MAST3: variants seen among roughly 807,000 people sequenced by gnomAD.
MAST3 encodes microtubule associated serine/threonine kinase 3.
MAST3 carries 43 observed loss-of-function variants against 127.0 expected under a neutral mutation model. That is an observed-to-expected ratio of 0.34 (90% confidence interval 0.27 to 0.44). The LOEUF is 0.44. Ranked by LOEUF, MAST3 falls within the 20% of genes least tolerant of loss-of-function variation. The pLI is 1.00. For missense variants in MAST3, 1,390 were observed against 1,919.1 expected, an observed-to-expected ratio of 0.72 and a Z score of 5.15; for synonymous variants, 785 against 809.2, an observed-to-expected ratio of 0.97 and a Z score of 0.51.
At position 18,144,043 on chromosome 19, in the gene MAST3, G is replaced by T; in HGVS notation, c.2584+36G>T. On this transcript the variant is annotated intron_variant, in intron 22 of 27. Coordinates refer to ENST00000687212, the MANE Select transcript of MAST3 (RefSeq NM_001393504.1). The surrounding 1 kb of genome is among the most constrained non-coding windows in gnomAD (Gnocchi z 4.0). ...CCCTGAGTAAGAGGGATGATGTCAT[G>T]GAAGTTTCCCAGAGGAGGGGCTATT... The T allele has an allele frequency of 6.5e-7, 1 of 1,546,260 alleles. No individual in the cohort carries two copies.
intron 19 of MAST3, among the ~76,000 whole-genome samples, chr19:18,138,106 A>G (rs1407812081): frequency 6.6e-6 from 1 of 151,278 alleles, no homozygotes; most frequent in African/African-American, 2.4e-5. Context: ...GCTATTTGGG[A>G]GGCTGAGGCA....
rs896811144 is a variant in MAST3 at position 18,110,576 on chromosome 19, G to A, written c.72-76G>A. On this transcript the variant is annotated intron_variant, in intron 2 of 27. Coordinates refer to ENST00000687212, the MANE Select transcript of MAST3 (RefSeq NM_001393504.1). The surrounding 1 kb of genome is among the most constrained non-coding windows in gnomAD (Gnocchi z 4.3). ...CCTACTCCCTGAGGGAACCGCAGCC[G>A]CCATCCGGAGATCCGGATTCGGCCA... 4 of 867,074 alleles carry A rather than the reference G, an allele frequency of 4.6e-6. No individual in the cohort carries two copies. The highest frequency in any genetic ancestry group is 3.7e-5 in the African/African-American group (2 of 54,746). The allele number at this position is 867,074 out of a possible 1,614,324, so 53.7% of individuals were successfully genotyped here.
chr19:18,124,375 C>T lies in MAST3; in HGVS notation c.945+9C>T, dbSNP rs1318900697. 1 of 1,589,070 alleles carries T rather than the reference C, an allele frequency of 6.3e-7. No individual in the cohort carries two copies. The highest frequency in any genetic ancestry group is 8.6e-7 in the Non-Finnish European group (1 of 1,167,466). On this transcript the variant is annotated intron_variant, in intron 10 of 27. Transcript: ENST00000687212. ...GGCTGCTGGAGTGTCTGGTAAGTTT[C>T]TCTTTCTACGGCCAGCTTGGGGTCC...
intron 2 of MAST3, among the ~76,000 whole-genome samples, chr19:18,108,203 G>C (rs2038214921): frequency 1.3e-5 from 2 of 152,114 alleles, no homozygotes; most frequent in African/African-American, 4.8e-5. Context: ...TGAGGCAGGA[G>C]ATTCGCTTGA....
intron 13 of MAST3, 32 bp from the exon 14 acceptor site, chr19:18,130,462 C>T (rs768614260): frequency 4.4e-5 from 68 of 1,556,432 alleles, no homozygotes; most frequent in Non-Finnish European, 5.1e-5. Flanking sequence ...CCTCGATCTC[C>T]GGTCCCAGCA....
chr19:18,147,704 CAG>C, intron 27 of MAST3, 80 bp downstream of exon 27: 1 of 972,112 alleles, frequency 1.0e-6, no homozygotes. Context: ...GGAAGGAGTT[CAG>C]GGGATGGAAT....
In MAST3 at chr19:18,124,539, C is replaced by G. The variant is rs1420322028; in HGVS notation, c.946-103C>G. 1.4e-5 allele frequency: 20 copies of G among 1,456,196 alleles called. No homozygotes were observed. The Admixed American group carries it at 3.3e-4, about 24-fold the overall frequency. The allele number at this position is 1,456,196 out of a possible 1,614,324, so 90.2% of individuals were successfully genotyped here. ...TAAGGAGGCAGCGGGAGTGGAGACC[C>G]AGTGGGTGAGCTGGGAAGGGTGCTC... On this transcript the variant is annotated intron_variant, in intron 10 of 27. Coordinates refer to ENST00000687212, the MANE Select transcript of MAST3 (RefSeq NM_001393504.1).
chr19:18,111,662 G>A (rs2038660612), intron 3 of MAST3, among the ~76,000 whole-genome samples: 1 of 150,308 alleles, frequency 6.7e-6, no homozygotes, highest in Non-Finnish European at 1.5e-5. Context: ...AGCCTCCCAA[G>A]TAGCAGGGAC....
At chr19:18,131,852 G>A (rs2041330009) in intron 14 of MAST3, 57 bp from the exon 15 acceptor site, 1 of 1,486,190 alleles carries the variant, frequency 6.7e-7, no homozygotes, top group Non-Finnish European at 9.1e-7. Flanking sequence ...TAACCTAAGG[G>A]GCGGGCGGGG....
rs60206673 is a variant in MAST3 at position 18,141,377 on chromosome 19, C to CTTTCTTT, written c.2206-502_2206-501insCTTTTTT. Among the ~76,000 whole-genome samples, 45 of 122,750 alleles carry CTTTCTTT rather than the reference C, an allele frequency of 3.7e-4. 1 individual carries two copies. The East Asian group carries it at 0.011, about 29-fold the overall frequency. The allele number at this position is 122,750 out of a possible 152,430, so 80.5% of individuals were successfully genotyped here. On this transcript the variant is annotated intron_variant, in intron 20 of 27. Coordinates refer to ENST00000687212, the MANE Select transcript of MAST3 (RefSeq NM_001393504.1). Reference sequence around the variant, plus strand: ...GGAATCACTGGACTAAGCCAGCTTTCTTTTTTTTTTTTTGAAACAGAGTCT... The same window carrying CTTTCTTT: ...GGAATCACTGGACTAAGCCAGCTTTCTTTCTTTTTTTTTTTTTTTTGAAACAGAGTCT...
Position 18,142,026 on chromosome 19 carries a change from TG to T in MAST3, c.2339+15del. The T allele has an allele frequency of 6.9e-7, 1 of 1,454,286 alleles. No individual in the cohort carries two copies. Among genetic ancestry groups the T allele is most frequent in the Non-Finnish European group, 9.2e-7 (1 of 1,088,100 alleles). The allele number at this position is 1,454,286 out of a possible 1,614,324, so 90.1% of individuals were successfully genotyped here. A position where few individuals can be genotyped will look rare whatever the true frequency, so the allele number is the denominator to read the frequency against. On this transcript the variant is annotated intron_variant, in intron 21 of 27. Transcript: ENST00000687212. ...GAGTGCTGACATCCGGTAAGTGGCC[TG>T]GGGAAGTGTAGGCAGATCCAGCTTC...
chr19:18,130,169 T>A (rs1319299222), intron 13 of MAST3, among the ~76,000 whole-genome samples: 1 of 151,962 alleles, frequency 6.6e-6, no homozygotes, highest in Non-Finnish European at 1.5e-5. Flanking sequence ...TGAGCCGTGA[T>A]CTCATGACTG....
Position 18,143,975 on chromosome 19 carries a change from C to G in MAST3, c.2552C>G (p.Thr851Ser). The G allele has an allele frequency of 2.5e-6, 4 of 1,587,962 alleles. No homozygotes were observed. The highest frequency in any genetic ancestry group is 1.3e-5 in the African/African-American group (1 of 74,524). Reference protein sequence around the residue: ...LGEPDPPPAATPVMPKPSSLS... With the variant: ...LGEPDPPPAASPVMPKPSSLS... ...GAGCCTGACCCCCCACCAGCGGCCA[C>G]CCCAGTGATGCCCAAGCCCTCGAGC... is the stretch of plus-strand genomic sequence containing the variant. Residue 851 changes from threonine to serine, a missense_variant, in exon 22 of 28, where the codon ACC becomes AGC. By Grantham distance (58) the Thr-to-Ser change is moderately conservative. Coordinates refer to ENST00000687212, the MANE Select transcript of MAST3 (RefSeq NM_001393504.1).
intron 19 of MAST3, 51 bp from the exon 20 acceptor site, chr19:18,138,964 G>A: frequency 7.9e-7 from 1 of 1,268,256 alleles, no homozygotes; most frequent in Non-Finnish European, 1.1e-6. Context: ...CACCGCCCTT[G>A]AGATCATCTC....
rs2043376230 is a variant in MAST3, at chr19:18,149,533, C to A, written c.3851C>A (p.Ala1284Asp). The A allele has an allele frequency of 3.2e-6, 5 of 1,558,168 alleles. No homozygotes were observed. Among genetic ancestry groups the A allele is most frequent in the Non-Finnish European group, 3.5e-6 (4 of 1,151,904 alleles). ...GGGCGGCGCACTCGTGGGCCAGAGG[C>A]CGAGCTCGTGGTCATGCGGCGGCTG... ...EAGRRTRGPE[A>D]ELVVMRRLHL... The change falls in exon 28 of 28, where the codon GCC becomes GAC. Residue 1284 changes from alanine to aspartate, a missense_variant. Ala to Asp is a moderately radical substitution (Grantham distance 126). Around this residue, in one of 5 missense-constraint regions of MAST3, gnomAD observed 816 missense variants for 934.1 expected, o/e 0.87. Coordinates refer to ENST00000687212, the MANE Select transcript of MAST3 (RefSeq NM_001393504.1). The surrounding 1 kb of genome is among the most constrained non-coding windows in gnomAD (Gnocchi z 5.9).
chr19:18,142,453 G>A (rs982965280), intron 21 of MAST3, among the ~76,000 whole-genome samples: 10 of 147,214 alleles, frequency 6.8e-5, no homozygotes, highest in East Asian at 4.2e-4. Context: ...CCGGGTTCAC[G>A]CCATTCTCCT....
intron 1 of MAST3, chr19:18,098,902 G>A: frequency 4.9e-6 from 2 of 410,888 alleles, no homozygotes; most frequent in Non-Finnish European, 9.9e-6. Flanking sequence ...GGAGTGATCA[G>A]TTGTGATAAG....
intron 3 of MAST3, among the ~76,000 whole-genome samples, chr19:18,120,748 C>T (rs1024476206): frequency 3.3e-5 from 5 of 151,510 alleles, no homozygotes; most frequent in South Asian, 2.1e-4. Flanking sequence ...TTTTTTGAGA[C>T]GGAGTTTCAC....
intron 20 of MAST3, among the ~76,000 whole-genome samples, chr19:18,139,363 T>C (rs991704280): frequency 2.0e-5 from 3 of 152,086 alleles, no homozygotes; most frequent in Non-Finnish European, 2.9e-5. Flanking sequence ...CTCGCTCTGT[T>C]GCCCAGGCTG....
Sources: allele counts gnomAD v4.1 joint callset (sites outside exome capture counted in the v4.1 genomes callset), GRCh38; gene constraint gnomAD v4.1.1; regional missense constraint gnomAD v4.1.1; non-coding constraint Gnocchi (gnomAD v3.1); transcripts MANE v1.5; gene names NCBI Gene and HGNC (gene_info 2026-07-23, HGNC 2026-07-21).